RBM24: variants seen among roughly 807,000 people sequenced by gnomAD.
RBM24 encodes RNA-binding protein 24.
A neutral mutation model predicts 23.6 loss-of-function variants in RBM24; 5 were observed. That is an observed-to-expected ratio of 0.21 (90% CI 0.11 to 0.45). RBM24 has a LOEUF of 0.45. Among genes scored for constraint, RBM24 ranks in the 20% least tolerant of loss-of-function variants. The probability of loss-of-function intolerance (pLI) is 0.99; values close to 1 mark genes in which losing one functional copy is unlikely to be tolerated. For missense variants in RBM24, 252 were observed against 314.6 expected, an observed-to-expected ratio of 0.80 and a Z score of 1.51; for synonymous variants, 151 against 129.5, an observed-to-expected ratio of 1.17 and a Z score of -1.13.
In RBM24 at chr6:17,284,640, G is replaced by T; in HGVS notation, c.293-17G>T. On this transcript the variant is annotated splice_polypyrimidine_tract_variant and intron_variant, in intron 2 of 3. Transcript: ENST00000379052. ...TAACCATGCACAAATAAAGAATGTG[G>T]TATATTTTGTTGTTAGGTTTTGCCT... The T allele has an allele frequency of 6.2e-7, 1 of 1,601,124 alleles. No individual in the cohort carries two copies. Among genetic ancestry groups the T allele is most frequent in the Non-Finnish European group, 8.5e-7 (1 of 1,170,422 alleles).
In RBM24 at chr6:17,281,607, C is replaced by T. The variant is rs1760014745; in HGVS notation, c.26C>T (p.Thr9Met). 2.6e-6 allele frequency: 4 copies of T among 1,548,362 alleles called. No homozygotes were observed. Among genetic ancestry groups the T allele is most frequent in the Admixed American group, 2.0e-5 (1 of 50,904 alleles). The change falls in exon 1 of 4, where the codon ACG (threonine) becomes ATG (methionine). Residue 9 changes from threonine (T) to methionine (M), a missense_variant. Thr to Met is a moderately conservative substitution (Grantham distance 81, BLOSUM62 -1). Transcript: ENST00000379052. This position sits in a 1 kb window ranked among gnomAD's most constrained non-coding sequence, Gnocchi z 7.1. The part of the protein sequence containing the change: MHTTQKDT[T>M]YTKIFVGGLP... ...ATGCACACGACCCAGAAGGACACGA[C>T]GTACACCAAGATCTTCGTCGGGGGG...
chr6:17,287,210 T>C (rs945536938), intron 3 of RBM24, among the ~76,000 whole-genome samples: 7 of 152,208 alleles, frequency 4.6e-5, no homozygotes, highest in African/African-American at 1.7e-4. Flanking sequence ...TCTGTTTGAA[T>C]GCTACATGTT....
rs754458228 is a variant in RBM24 at position 17,292,041 on chromosome 6, C to CGCCGCTGCAGCAGCTGCT, written c.646_663dup (p.Ala216_Ala221dup). 2.5e-6 allele frequency: 4 copies of CGCCGCTGCAGCAGCTGCT among 1,597,074 alleles called. No homozygotes were observed. Among genetic ancestry groups the CGCCGCTGCAGCAGCTGCT allele is most frequent in the East Asian group, 2.2e-5 (1 of 44,756 alleles). ...CAGCGGCACCTGGGACAGCTGCCGC[C>CGCCGCTGCAGCAGCTGCT]GCCGCTGCAGCAGCTGCTGCCGCTG... is the stretch of plus-strand genomic sequence containing the variant. On this transcript the variant is annotated inframe_insertion, in exon 4 of 4. Coordinates refer to ENST00000379052, the MANE Select transcript of RBM24 (RefSeq NM_001143942.2).
intron 3 of RBM24, chr6:17,289,743 A>G: frequency 1.9e-6 from 2 of 1,055,782 alleles, no homozygotes; most frequent in Non-Finnish European, 2.3e-6. Context: ...AAGACATTTT[A>G]CCCGCTGGAA....
At chr6:17,286,767 G>A (rs2113403126) in intron 3 of RBM24, among the ~76,000 whole-genome samples, 1 of 152,306 alleles carries the variant, frequency 6.6e-6, no homozygotes, top group Non-Finnish European at 1.5e-5. Flanking sequence ...GAGGGTATAG[G>A]ATGGAGTGAG....
At chr6:17,282,255 G>A in intron 1 of RBM24, 1 of 1,290,406 alleles carries the variant, frequency 7.7e-7, no homozygotes, top group Non-Finnish European at 1.0e-6. Flanking sequence ...AGGGCTCTTT[G>A]CCGAACTGAA....
At chr6:17,283,677 A>G (rs1159132666) in intron 2 of RBM24, among the ~76,000 whole-genome samples, 3 of 152,178 alleles carry the variant, frequency 2.0e-5, no homozygotes, top group Admixed American at 1.3e-4. Context: ...TTGGCCTCCT[A>G]AAGTGCTGGG....
rs1305866163 is a variant in RBM24 at position 17,281,659 on chromosome 6, C to T, written c.78C>T (p.Ser26=). 1.9e-6 allele frequency: 3 copies of T among 1,550,794 alleles called. No individual in the cohort carries two copies. Among genetic ancestry groups the T allele is most frequent in the African/African-American group, 1.4e-5 (1 of 73,144 alleles). ...GGLPYHTTDA[S]LRKYFEVFGE... ...TGCCCTACCACACCACCGACGCCAGCCTGCGCAAGTACTTCGAGGTCTTCG... is the reference window on the plus strand; with the variant it reads ...TGCCCTACCACACCACCGACGCCAGTCTGCGCAAGTACTTCGAGGTCTTCG... The change falls in exon 1 of 4, where the codon AGC becomes AGT. Residue 26 remains serine, a synonymous_variant. Coordinates refer to ENST00000379052, the MANE Select transcript of RBM24 (RefSeq NM_001143942.2). This position sits in a 1 kb window ranked among gnomAD's most constrained non-coding sequence, Gnocchi z 7.1.
In RBM24 at chr6:17,281,719, G is replaced by T. The variant is rs549672551; in HGVS notation, c.138G>T (p.Arg46=). Residue 46 remains arginine (R), a synonymous_variant, in exon 1 of 4, where the codon CGG becomes CGT. Transcript: ENST00000379052. This position sits in a 1 kb window ranked among gnomAD's most constrained non-coding sequence, Gnocchi z 7.1. ...EIEEAVVITD[R]QTGKSRGYGF... ...AGGAGGCGGTGGTCATCACCGACCG[G>T]CAGACGGGCAAGTCCCGGGGCTATG... 4.1e-5 allele frequency: 63 copies of T among 1,551,652 alleles called. No homozygotes were observed. In the African/African-American group the frequency reaches 7.2e-4, roughly 18 times the overall value.
At chr6:17,285,672 T>C (rs1760173626) in intron 3 of RBM24, among the ~76,000 whole-genome samples, 1 of 152,230 alleles carries the variant, frequency 6.6e-6, no homozygotes, top group African/African-American at 2.4e-5. Context: ...CCAGTTTTTT[T>C]GAGTAGCGTC....
intron 3 of RBM24, chr6:17,289,031 C>G (rs1466650967): frequency 1.0e-6 from 1 of 985,202 alleles, no homozygotes; most frequent in Non-Finnish European, 1.2e-6. Flanking sequence ...GTCAGTGGAA[C>G]CTGAAGAGAT....
chr6:17,291,565 G>T (rs1156375206), intron 3 of RBM24, among the ~76,000 whole-genome samples, 191 bp from the exon 4 acceptor site: 1 of 151,758 alleles, frequency 6.6e-6, no homozygotes, highest in Non-Finnish European at 1.5e-5. Context: ...TATTTTTGGG[G>T]TCCAGTTCTT....
intron 2 of RBM24, chr6:17,283,164 G>A: frequency 2.0e-6 from 1 of 489,492 alleles, no homozygotes; most frequent in Non-Finnish European, 3.7e-6. Context: ...AGGAAGAAGA[G>A]TTAGTCATGT....
chr6:17,285,673 G>T (rs1447807209), intron 3 of RBM24, among the ~76,000 whole-genome samples: 1 of 152,082 alleles, frequency 6.6e-6, no homozygotes, highest in Non-Finnish European at 1.5e-5. Context: ...CAGTTTTTTT[G>T]AGTAGCGTCA....
chr6:17,287,307 T>C (rs1760224891), intron 3 of RBM24, among the ~76,000 whole-genome samples: 1 of 152,230 alleles, frequency 6.6e-6, no homozygotes, highest in Non-Finnish European at 1.5e-5. Context: ...TTCCTTTGAA[T>C]GTGGTCCTTA....
chr6:17,290,705 A>T (rs1030436180), intron 3 of RBM24: 19 of 418,150 alleles, frequency 4.5e-5, no homozygotes, highest in Admixed American at 4.2e-4. Context: ...AACAAGAGTT[A>T]GTAGATGTGC....
intron 3 of RBM24, chr6:17,290,968 A>G: frequency 1.1e-6 from 1 of 950,020 alleles, no homozygotes; most frequent in Non-Finnish European, 1.5e-6. Flanking sequence ...AGTGTGCTGC[A>G]CATCTCTTTG....
At chr6:17,284,533 TTTC>T (rs1760136682) in intron 2 of RBM24, 121 bp from the exon 3 acceptor site, 1 of 678,502 alleles carries the variant, frequency 1.5e-6, no homozygotes, top group African/African-American at 1.8e-5. Flanking sequence ...ATACATATAG[TTTC>T]TTTAAAGTGG....
At chr6:17,282,079 G>A (rs1760035373) in intron 1 of RBM24, 1 of 1,243,062 alleles carries the variant, frequency 8.0e-7, no homozygotes, top group East Asian at 4.7e-5. Context: ...TGCATTCCCG[G>A]GCTGGATGCC....
Sources: allele counts gnomAD v4.1 joint callset (sites outside exome capture counted in the v4.1 genomes callset), GRCh38; gene constraint gnomAD v4.1.1; non-coding constraint Gnocchi (gnomAD v3.1); transcripts MANE v1.5; gene names NCBI Gene and HGNC (gene_info 2026-07-23, HGNC 2026-07-21).